ZNF79: variants seen among roughly 807,000 people sequenced by gnomAD.
The protein encoded by ZNF79 is ZNFpT7.
ZNF79 carries 13 observed loss-of-function variants against 14.9 expected under a neutral mutation model. The observed-to-expected ratio is 0.87, with a 90% CI of 0.57 to 1.38. The LOEUF (loss-of-function observed/expected upper bound fraction) is 1.38. Ranked by LOEUF, ZNF79 falls within the 40% of genes most tolerant of loss-of-function variation. ZNF79 has a pLI of 0.00. For synonymous variants in ZNF79, 223 were observed against 235.1 expected, an observed-to-expected ratio of 0.95 and a Z score of 0.47; for missense variants, 631 against 630.6, an observed-to-expected ratio of 1.00 and a Z score of -0.01.
intron 4 of ZNF79, among the ~76,000 whole-genome samples, chr9:127,439,285 T>A (rs1834008524): frequency 6.6e-6 from 1 of 152,108 alleles, no homozygotes; most frequent in Admixed American, 6.6e-5. Flanking sequence ...TTGCCATGCA[T>A]TAACTACATG....
rs1382642432 is a variant in ZNF79, at chr9:127,444,201, G to A, written c.501G>A (p.Ala167=). The change falls in exon 5 of 5, where the codon GCG becomes GCA. Residue 167 remains alanine, a synonymous_variant. Transcript: ENST00000342483. Reference sequence around the variant, plus strand: ...CGCAACAGAGAGTGCCCGTGGAAGCGAGACCTCGCAAATGTGAGACACACA... The same window carrying A: ...CGCAACAGAGAGTGCCCGTGGAAGCAAGACCTCGCAAATGTGAGACACACA... ...LSPQQRVPVE[A]RPRKCETHTE... 9 of 1,613,920 alleles carry A rather than the reference G, an allele frequency of 5.6e-6. No homozygotes were observed. In the South Asian group the frequency reaches 6.6e-5, roughly 12 times the overall value.
intron 2 of ZNF79, among the ~76,000 whole-genome samples, chr9:127,434,170 A>C (rs938718643): frequency 6.6e-6 from 1 of 151,410 alleles, no homozygotes; most frequent in Admixed American, 6.6e-5. Context: ...CCTGCCTTGG[A>C]TAGCCTTCTC....
intron 4 of ZNF79, among the ~76,000 whole-genome samples, chr9:127,442,767 T>A (rs1449170162): frequency 1.3e-5 from 2 of 151,552 alleles, no homozygotes. Flanking sequence ...GAGGCTGAGG[T>A]GGGAGGATCA....
In ZNF79 at chr9:127,444,449, A is replaced by G. The variant is rs747237139; in HGVS notation, c.749A>G (p.Lys250Arg). The G allele has an allele frequency of 3.7e-6, 6 of 1,609,232 alleles. No homozygotes were observed. Among genetic ancestry groups the G allele is most frequent in the Admixed American group, 1.7e-5 (1 of 59,842 alleles). The stretch of plus-strand genomic sequence containing the variant: ...ATTCACACTGGAGAGAAGCCTTACA[A>G]GTGCAGTGAATGTGGAAGAGCCTTC... ...QRIHTGEKPYKCSECGRAFSQ... is the reference protein window; with the variant it reads ...QRIHTGEKPYRCSECGRAFSQ... The change falls in exon 5 of 5, where the codon AAG (lysine) becomes AGG (arginine). Residue 250 changes from lysine (K) to arginine (R), a missense_variant. Physicochemically the swap from Lys to Arg is conservative, Grantham distance 26. Transcript: ENST00000342483.
At chr9:127,442,821 C>T (rs1456294666) in intron 4 of ZNF79, among the ~76,000 whole-genome samples, 1 of 152,088 alleles carries the variant, frequency 6.6e-6, no homozygotes, top group African/African-American at 2.4e-5. Flanking sequence ...ATGATCGTGC[C>T]ACCATGCTTC....
intron 4 of ZNF79, among the ~76,000 whole-genome samples, chr9:127,443,397 ACT>A (rs376470849): frequency 1.3e-5 from 2 of 152,096 alleles, no homozygotes; most frequent in Admixed American, 6.6e-5. Flanking sequence ...CCTGAGTGAG[ACT>A]CTGTCTCAAT....
intron 4 of ZNF79, among the ~76,000 whole-genome samples, chr9:127,436,287 C>T (rs141260624): frequency 1.4e-3 from 217 of 152,288 alleles, no homozygotes; most frequent in African/African-American, 4.9e-3. Flanking sequence ...TTTGGGGGCA[C>T]GTGTGATGTT....
intron 1 of ZNF79, among the ~76,000 whole-genome samples, chr9:127,428,209 GGGCTCAA>G (rs1320580256): frequency 6.6e-6 from 1 of 152,066 alleles, no homozygotes; most frequent in Admixed American, 6.6e-5. Context: ...TCGAACTCCT[GGGCTCAA>G]GCAGTCTGCC....
chr9:127,439,568 A>T (rs1834014240), intron 4 of ZNF79, among the ~76,000 whole-genome samples: 1 of 151,876 alleles, frequency 6.6e-6, no homozygotes, highest in South Asian at 2.1e-4. Flanking sequence ...GGGTTATTCT[A>T]CCCTACCCCT....
At position 127,443,453 on chromosome 9, in the gene ZNF79, T is replaced by C. The variant is rs896687390; in HGVS notation, c.329-576T>C. ...ATAGTAAATATATAATCTGGTAACA[T>C]AGTTGTTTATTAAGTATTATGTGCT... On this transcript the variant is annotated intron_variant, in intron 4 of 4. Transcript: ENST00000342483. 4.6e-5 allele frequency among the ~76,000 whole-genome samples: 7 copies of C among 152,196 alleles called. No individual in the cohort carries two copies. The East Asian group carries it at 1.4e-3, about 29-fold the overall frequency.
Position 127,445,149 on chromosome 9 carries a change from G to A in ZNF79, c.1449G>A (p.Arg483=). The A allele has an allele frequency of 1.9e-6, 3 of 1,614,218 alleles. No individual in the cohort carries two copies. Among genetic ancestry groups the A allele is most frequent in the Non-Finnish European group, 2.5e-6 (3 of 1,180,044 alleles). The change falls in exon 5 of 5, where the codon CGG becomes CGA. Residue 483 remains arginine (R), a synonymous_variant. Transcript: ENST00000342483. ...GCAGCGAGTGTGGGAAGGCCTTCCG[G>A]TGCAGCTCTGCCTTCGTTAGACATC... The part of the protein sequence containing the change: ...YECSECGKAF[R]CSSAFVRHQR...
intron 2 of ZNF79, among the ~76,000 whole-genome samples, chr9:127,430,314 A>G (rs1456589457): frequency 6.6e-6 from 1 of 152,020 alleles, no homozygotes; most frequent in East Asian, 1.9e-4. Flanking sequence ...GGGTTGTTAA[A>G]TGGTTGTATT....
In ZNF79 at chr9:127,445,237, C is replaced by A. The variant is rs370536293; in HGVS notation, c.*40C>A. Reference sequence around the variant, plus strand: ...GAAGTGGAGAGAGTCCCGGACATGCCGACTCAGGACAGGTGGGTGAGGATC... The same window carrying A: ...GAAGTGGAGAGAGTCCCGGACATGCAGACTCAGGACAGGTGGGTGAGGATC... On this transcript the variant is annotated 3_prime_UTR_variant, in exon 5 of 5. Coordinates refer to ENST00000342483, the MANE Select transcript of ZNF79 (RefSeq NM_007135.3). 1.3e-6 allele frequency: 2 copies of A among 1,591,348 alleles called. No individual in the cohort carries two copies. The highest frequency in any genetic ancestry group is 1.3e-5 in the African/African-American group (1 of 74,434).
At chr9:127,434,414 G>T (rs1489947144) in intron 2 of ZNF79, among the ~76,000 whole-genome samples, 2 of 152,024 alleles carry the variant, frequency 1.3e-5, no homozygotes, top group African/African-American at 4.8e-5. Flanking sequence ...TTGATAATTT[G>T]TACCTGATTC....
chr9:127,427,998 T>A (rs1172584688), intron 1 of ZNF79, among the ~76,000 whole-genome samples: 1 of 152,296 alleles, frequency 6.6e-6, no homozygotes, highest in African/African-American at 2.4e-5. Context: ...TCTTTTTTTT[T>A]GAGATAGTGT....
chr9:127,427,815 T>G (rs952854011), intron 1 of ZNF79, among the ~76,000 whole-genome samples: 1 of 152,060 alleles, frequency 6.6e-6, no homozygotes, highest in African/African-American at 2.4e-5. Context: ...TCACTCAGCC[T>G]CTTCACTTTC....
chr9:127,432,297 G>C (rs1028241247), intron 2 of ZNF79, among the ~76,000 whole-genome samples: 8 of 151,622 alleles, frequency 5.3e-5, no homozygotes, highest in Non-Finnish European at 1.2e-4. Flanking sequence ...ACAGGCGTCC[G>C]CCACCACACC....
chr9:127,440,709 T>C (rs932146997), intron 4 of ZNF79, among the ~76,000 whole-genome samples: 12 of 152,074 alleles, frequency 7.9e-5, no homozygotes, highest in Non-Finnish European at 1.3e-4. Flanking sequence ...GGAGGTCAGT[T>C]AGGAGGCGGC....
At chr9:127,435,811 TGA>T (rs1833936693) in intron 3 of ZNF79, 95 bp from the exon 4 acceptor site, 3 of 927,758 alleles carry the variant, frequency 3.2e-6, no homozygotes, top group Non-Finnish European at 5.3e-6. Flanking sequence ...CTGAATGAAA[TGA>T]ACAGTCCAAC....
Sources: allele counts gnomAD v4.1 joint callset (sites outside exome capture counted in the v4.1 genomes callset), GRCh38; gene constraint gnomAD v4.1.1; transcripts MANE v1.5; gene names NCBI Gene and HGNC (gene_info 2026-07-23, HGNC 2026-07-21).